Variants in MINDY4 observed in about 807,000 individuals in gnomAD.
MINDY4 encodes the protein probable ubiquitin carboxyl-terminal hydrolase MINDY-4.
Under a neutral mutation model 87.0 loss-of-function variants are expected in MINDY4, and 68 were observed. The ratio of observed to expected loss-of-function variants is 0.78; its 90% CI spans 0.64 to 0.96. The LOEUF is 0.96. MINDY4 is among the 40% of genes least tolerant of loss of function. The pLI is 0.00. For missense variants in MINDY4, 919 were observed against 928.2 expected (o/e 0.99, Z 0.13); for synonymous variants, 379 against 363.2 (o/e 1.04, Z -0.50).
At chr7:30,855,638 A>G (rs529155331) in intron 12 of MINDY4, among the ~76,000 whole-genome samples, 9 of 152,260 alleles carry the variant, frequency 5.9e-5, no homozygotes, top group Middle Eastern at 3.4e-3. Context: ...GGACCTCTGC[A>G]TCCTTGTCTA....
chr7:30,857,102 G>A (rs1009240828), intron 12 of MINDY4, among the ~76,000 whole-genome samples: 4 of 152,292 alleles, frequency 2.6e-5, no homozygotes, highest in Non-Finnish European at 4.4e-5. Context: ...TCCAAAAAAA[G>A]ACTGGAAGTT....
chr7:30,791,908 A>G (rs1006521670), intron 5 of MINDY4, among the ~76,000 whole-genome samples: 75 of 152,280 alleles, frequency 4.9e-4, no homozygotes, highest in African/African-American at 1.6e-3. Context: ...AAAAAAACTC[A>G]ATGTTTTAAG....
intron 1 of MINDY4, among the ~76,000 whole-genome samples, chr7:30,776,046 C>G (rs1298326146): frequency 6.6e-6 from 1 of 152,232 alleles, no homozygotes; most frequent in Non-Finnish European, 1.5e-5. Flanking sequence ...GTTGCAAACA[C>G]CTTGCTCCAA....
chr7:30,777,228 G>A (rs878972640), intron 1 of MINDY4, among the ~76,000 whole-genome samples: 3 of 152,082 alleles, frequency 2.0e-5, no homozygotes, highest in Admixed American at 2.0e-4. Context: ...CAGGGTAGGG[G>A]TGGGGTTTGT....
chr7:30,813,563 T>TG (rs1028467993), intron 5 of MINDY4, among the ~76,000 whole-genome samples: 1 of 151,736 alleles, frequency 6.6e-6, no homozygotes, highest in African/African-American at 2.4e-5. Flanking sequence ...AACCCCAGAG[T>TG]GGGGGCAGGG....
intron 10 of MINDY4, 79 bp downstream of exon 10, chr7:30,850,634 A>G: frequency 1.5e-6 from 2 of 1,300,100 alleles, no homozygotes; most frequent in Admixed American, 2.0e-5. Flanking sequence ...GTATGCTCCT[A>G]TCCTTGGGTC....
intron 17 of MINDY4, among the ~76,000 whole-genome samples, chr7:30,887,123 G>A (rs1274637200): frequency 6.6e-6 from 1 of 152,114 alleles, no homozygotes; most frequent in Non-Finnish European, 1.5e-5. Flanking sequence ...CAGAGCCCCC[G>A]CCTCCCTCAG....
In MINDY4 at chr7:30,884,635, C is replaced by T. The variant is rs147894290; in HGVS notation, c.2225+1642C>T. ...CCTCTCTGAAGGCCTCCGTCTGACTCTGTGTCTCTCTACCCCTCCCAGGGG... is the reference window on the plus strand; with the variant it reads ...CCTCTCTGAAGGCCTCCGTCTGACTTTGTGTCTCTCTACCCCTCCCAGGGG... On this transcript the variant is annotated intron_variant, in intron 17 of 17. Coordinates refer to ENST00000265299, the MANE Select transcript of MINDY4 (RefSeq NM_032222.3). Among the ~76,000 whole-genome samples the T allele has an allele frequency of 3.9e-4, 60 of 152,348 alleles. 1 individual carries two copies. Among genetic ancestry groups the T allele is most frequent in the African/African-American group, 1.3e-3 (54 of 41,584 alleles).
chr7:30,869,148 A>G (rs1347356838), intron 13 of MINDY4, among the ~76,000 whole-genome samples: 1 of 152,178 alleles, frequency 6.6e-6, no homozygotes, highest in Non-Finnish European at 1.5e-5. Context: ...CTGAGGGCCC[A>G]GGGTCATCCA....
chr7:30,782,371 T>C (rs555745964), intron 3 of MINDY4, among the ~76,000 whole-genome samples, 159 bp downstream of exon 3: 2 of 148,692 alleles, frequency 1.3e-5, no homozygotes, highest in South Asian at 2.1e-4. Context: ...TGTGTGTGTG[T>C]GCATGTATCT....
intron 1 of MINDY4, 87 bp from the exon 2 acceptor site, chr7:30,778,345 A>C (rs891900691): frequency 3.1e-5 from 47 of 1,530,610 alleles, no homozygotes; most frequent in Non-Finnish European, 4.1e-5. Context: ...TATCTTGGTG[A>C]ACATCAGGAA....
intron 13 of MINDY4, among the ~76,000 whole-genome samples, chr7:30,865,568 T>G (rs529794280): frequency 4.6e-5 from 7 of 152,352 alleles, no homozygotes; most frequent in African/African-American, 1.7e-4. Context: ...AACCAAATTC[T>G]GTCCTGTAGA....
At chr7:30,852,910 G>A (rs1196360307) in intron 11 of MINDY4, among the ~76,000 whole-genome samples, 1 of 152,208 alleles carries the variant, frequency 6.6e-6, no homozygotes, top group Non-Finnish European at 1.5e-5. Flanking sequence ...ATTGTTGAAT[G>A]TTTTCTCTTG....
chr7:30,883,404 G>C (rs1278646343), intron 17 of MINDY4, among the ~76,000 whole-genome samples: 1 of 152,166 alleles, frequency 6.6e-6, no homozygotes, highest in Non-Finnish European at 1.5e-5. Flanking sequence ...CAGCCTGGGG[G>C]TGGCAGGAGG....
intron 12 of MINDY4, chr7:30,858,854 G>T: frequency 2.6e-6 from 1 of 390,402 alleles, no homozygotes; most frequent in Non-Finnish European, 5.1e-6. Flanking sequence ...TGGTCACTCA[G>T]TTTCTGAGCC....
intron 6 of MINDY4, among the ~76,000 whole-genome samples, chr7:30,835,263 TG>T (rs1788823225): frequency 6.6e-6 from 1 of 152,222 alleles, no homozygotes; most frequent in Non-Finnish European, 1.5e-5. Flanking sequence ...ACATCTTATG[TG>T]GATGGCAGCA....
intron 3 of MINDY4, among the ~76,000 whole-genome samples, chr7:30,783,985 A>G (rs1259562029): frequency 6.6e-6 from 1 of 152,170 alleles, no homozygotes; most frequent in Middle Eastern, 3.2e-3. Flanking sequence ...TGCAGTCCCC[A>G]GTAGTGAGCT....
chr7:30,790,044 T>C (rs554935039), intron 4 of MINDY4, among the ~76,000 whole-genome samples: 12 of 152,142 alleles, frequency 7.9e-5, no homozygotes, highest in Non-Finnish European at 1.3e-4. Context: ...CATATGTAAG[T>C]GGGCACAGGG....
intron 17 of MINDY4, among the ~76,000 whole-genome samples, chr7:30,890,840 G>A (rs1047652483): frequency 6.6e-6 from 1 of 152,184 alleles, no homozygotes; most frequent in African/African-American, 2.4e-5. Flanking sequence ...CCTCTTGGTG[G>A]TTCCAAGCCT....
Sources: gnomAD v4.1 joint callset for allele counts (sites outside exome capture counted in the v4.1 genomes callset) on GRCh38, gnomAD v4.1.1 for gene constraint, MANE v1.5 for transcripts, NCBI Gene and HGNC (gene_info 2026-07-23, HGNC 2026-07-21) for gene names.